Variants in SH3YL1 observed in about 807,000 individuals in gnomAD.
The protein encoded by SH3YL1 is SH3 and SYLF domain containing 1.
SH3YL1 carries 41 observed loss-of-function variants against 45.8 expected under a neutral mutation model. The observed-to-expected ratio is 0.89, with a 90% CI of 0.70 to 1.16. The LOEUF (loss-of-function observed/expected upper bound fraction) is 1.16. SH3YL1 is among the 50% of genes most tolerant of loss of function. The probability of loss-of-function intolerance (pLI) is 0.00; values close to 1 mark genes in which losing one functional copy is unlikely to be tolerated. For synonymous variants in SH3YL1, 152 were observed against 151.4 expected (o/e 1.00, Z -0.03); for missense variants, 389 against 409.6 (o/e 0.95, Z 0.43).
At chr2:241,684 T>A (rs960027211) in intron 4 of SH3YL1, 1 of 152,062 alleles carries the variant, frequency 6.6e-6, no homozygotes, top group African/African-American at 2.4e-5. Context: ...GAACCCCAAT[T>A]AGAATAATAG....
intron 1 of SH3YL1, chr2:259,379 ATAT>A (rs1404804093): frequency 6.6e-6 from 1 of 152,184 alleles, no homozygotes; most frequent in Non-Finnish European, 1.5e-5. Context: ...TTAAAAATTA[ATAT>A]TTTTTTGGAA....
chr2:242,762 T>C (rs745350475), intron 4 of SH3YL1: 15 of 1,505,110 alleles, frequency 1.0e-5, no homozygotes, highest in Non-Finnish European at 1.2e-5. Flanking sequence ...TCCAATTATA[T>C]GCTCCATAGG....
chr2:233,028 C>CAA (rs1290788638), intron 6 of SH3YL1, 73 bp downstream of exon 6: 1 of 1,352,924 alleles, frequency 7.4e-7, no homozygotes, highest in African/African-American at 1.5e-5. Context: ...ATGTACTCTG[C>CAA]AAATTATATC....
intron 4 of SH3YL1, chr2:240,158 C>T (rs1406619372): frequency 1.3e-5 from 2 of 152,370 alleles, no homozygotes; most frequent in Non-Finnish European, 2.9e-5. Context: ...TCCAGCCTAG[C>T]ACAACAGTCC....
At position 218,795 on chromosome 2, in the gene SH3YL1, G is replaced by T. The variant is rs749400955; in HGVS notation, c.*16C>A. ...TAATTTTTTTGTAATTCTCAAAGAAGAAAATAGTATACGCTTTAATTCATG... is the reference window on the plus strand; with the variant it reads ...TAATTTTTTTGTAATTCTCAAAGAATAAAATAGTATACGCTTTAATTCATG... On this transcript the variant is annotated 3_prime_UTR_variant, in exon 10 of 10. Coordinates refer to ENST00000356150, the MANE Select transcript of SH3YL1 (RefSeq NM_015677.4). The T allele has an allele frequency of 2.6e-6, 4 of 1,547,724 alleles. No individual in the cohort carries two copies. The highest frequency in any genetic ancestry group is 3.5e-6 in the Non-Finnish European group (4 of 1,142,980).
chr2:251,494 T>G (rs932242613), intron 2 of SH3YL1, among the ~76,000 whole-genome samples: 4 of 152,210 alleles, frequency 2.6e-5, no homozygotes, highest in Admixed American at 2.6e-4. Context: ...TAGACTAACA[T>G]GCAAACAGAA....
intron 7 of SH3YL1, 114 bp downstream of exon 7, chr2:230,909 G>A (rs1668004029): frequency 1.1e-6 from 1 of 950,860 alleles, no homozygotes; most frequent in South Asian, 1.4e-5. Context: ...TGTGAAGTCA[G>A]TGAAACTACG....
At chr2:243,438 A>G (rs956742348) in intron 4 of SH3YL1, 2 of 1,434,594 alleles carry the variant, frequency 1.4e-6, no homozygotes, top group African/African-American at 2.9e-5. Flanking sequence ...AAATGGCTCA[A>G]AGAAGAAATC....
At chr2:250,845 T>C (rs568883140) in intron 2 of SH3YL1, among the ~76,000 whole-genome samples, 40 of 152,318 alleles carry the variant, frequency 2.6e-4, no homozygotes, top group Non-Finnish European at 5.1e-4. Flanking sequence ...CTGTTCTTAA[T>C]AAGAAAGCTA....
intron 4 of SH3YL1, among the ~76,000 whole-genome samples, chr2:234,716 G>A (rs1329981907): frequency 4.6e-5 from 7 of 152,238 alleles, no homozygotes; most frequent in African/African-American, 1.7e-4. Flanking sequence ...GGACGATGGT[G>A]CTGAAGGTCC....
intron 4 of SH3YL1, among the ~76,000 whole-genome samples, chr2:237,124 TA>T (rs1416133571): frequency 5.3e-5 from 3 of 57,074 alleles, no homozygotes; most frequent in African/African-American, 2.7e-4. Context: ...TTGCCTTCCA[TA>T]ATGCTTCCCA....
intron 1 of SH3YL1, chr2:260,378 T>G (rs544855880): frequency 1.3e-5 from 2 of 152,232 alleles, no homozygotes; most frequent in African/African-American, 2.4e-5. Context: ...GCAGCCATAG[T>G]ATCTGGAGTG....
At chr2:241,326 C>A (rs1042863102) in intron 4 of SH3YL1, 4 of 151,928 alleles carry the variant, frequency 2.6e-5, no homozygotes, top group African/African-American at 9.7e-5. Context: ...AAATAAAGAA[C>A]TGGTAAATTT....
intron 2 of SH3YL1, among the ~76,000 whole-genome samples, chr2:252,792 C>G (rs1669128550): frequency 6.6e-6 from 1 of 152,160 alleles, no homozygotes. Context: ...TGTGAACACC[C>G]TTTGGAAATA....
At chr2:233,504 T>C (rs1668151206) in intron 5 of SH3YL1, among the ~76,000 whole-genome samples, 1 of 152,246 alleles carries the variant, frequency 6.6e-6, no homozygotes, top group Non-Finnish European at 1.5e-5. Flanking sequence ...TGTGTAAATA[T>C]ATTTTAAAAA....
At position 263,804 on chromosome 2, in the gene SH3YL1, G is replaced by A. The variant is rs1669711174; in HGVS notation, c.1+180C>T. On this transcript the variant is annotated intron_variant, in intron 1 of 9. Transcript: ENST00000356150. ...CGGTGGCTAAACTTCAATCAAAATC[G>A]CTGTGGTCAAGAAAGTCCTGGAAGC... The A allele has an allele frequency of 1.8e-5, 9 of 501,944 alleles. No individual in the cohort carries two copies. The South Asian group carries it at 2.3e-4, about 13-fold the overall frequency. 31.1% of individuals were successfully genotyped at this position (501,944 alleles called of 1,614,324 possible).
At chr2:234,329 T>C in intron 4 of SH3YL1, 57 bp from the exon 5 acceptor site, 1 of 1,361,122 alleles carries the variant, frequency 7.3e-7, no homozygotes, top group South Asian at 1.2e-5. Flanking sequence ...TCATTTAAAA[T>C]TCATCTTGAC....
intron 3 of SH3YL1, among the ~76,000 whole-genome samples, chr2:248,610 TGA>T (rs1286658560): frequency 6.6e-6 from 1 of 152,192 alleles, no homozygotes; most frequent in African/African-American, 2.4e-5. Context: ...GCTGGGGCTC[TGA>T]GAGGAGCCCA....
chr2:256,998 T>G (rs1352065330), intron 1 of SH3YL1, among the ~76,000 whole-genome samples: 2 of 152,242 alleles, frequency 1.3e-5, no homozygotes. Context: ...CACTTTTTCC[T>G]ATTTCTATAT....
Sources: allele counts gnomAD v4.1 joint callset (sites outside exome capture counted in the v4.1 genomes callset), GRCh38; gene constraint gnomAD v4.1.1; transcripts MANE v1.5; gene names NCBI Gene and HGNC (gene_info 2026-07-23, HGNC 2026-07-21).